CLEC16A: variants seen among roughly 807,000 people sequenced by gnomAD.
The protein encoded by CLEC16A is C-type lectin domain containing 16A, also known as protein CLEC16A.
A neutral mutation model predicts 109.5 loss-of-function variants in CLEC16A; 51 were observed. That is an observed-to-expected ratio of 0.47 (90% CI 0.37 to 0.59). The LOEUF is 0.59. CLEC16A is among the 20% of genes least tolerant of loss of function. The pLI, the probability that CLEC16A is intolerant of heterozygous loss-of-function variation, is 0.00. For synonymous variants in CLEC16A, 673 were observed against 564.2 expected, an observed-to-expected ratio of 1.19 and a Z score of -2.73; for missense variants, 1,339 against 1,394.0, an observed-to-expected ratio of 0.96 and a Z score of 0.63.
chr16:11,105,339 T>G (rs1164504720), intron 19 of CLEC16A, among the ~76,000 whole-genome samples: 2 of 152,196 alleles, frequency 1.3e-5, no homozygotes, highest in African/African-American at 4.8e-5. Context: ...ACTGCACGTA[T>G]TGAAGAAGAG....
At chr16:11,072,336 C>A (rs1255558484) in intron 19 of CLEC16A, among the ~76,000 whole-genome samples, 6 of 152,110 alleles carry the variant, frequency 3.9e-5, no homozygotes, top group Admixed American at 3.9e-4. Context: ...CCAGGCTGGT[C>A]TCCAACTCCT....
At chr16:10,997,551 TGTTCA>T (rs1316132988) in intron 10 of CLEC16A, among the ~76,000 whole-genome samples, 1 of 152,222 alleles carries the variant, frequency 6.6e-6, no homozygotes, top group African/African-American at 2.4e-5. Context: ...TATTCTTAAG[TGTTCA>T]GTTCAGTGGC....
chr16:11,099,387 TC>T (rs2050780409), intron 19 of CLEC16A, among the ~76,000 whole-genome samples: 1 of 152,206 alleles, frequency 6.6e-6, no homozygotes, highest in Non-Finnish European at 1.5e-5. Flanking sequence ...ACATTTCTGT[TC>T]CACTGTCACA....
intron 8 of CLEC16A, among the ~76,000 whole-genome samples, chr16:10,978,267 C>T (rs552847494): frequency 7.9e-5 from 12 of 152,270 alleles, no homozygotes; most frequent in Admixed American, 5.2e-4. Context: ...GCTGCTGGTT[C>T]TCAGGGCCCC....
intron 13 of CLEC16A, among the ~76,000 whole-genome samples, chr16:11,027,941 C>A (rs890001841): frequency 3.3e-5 from 5 of 152,200 alleles, no homozygotes; most frequent in African/African-American, 1.2e-4. Flanking sequence ...TGGCTCACGC[C>A]CGTAATCCCA....
At chr16:10,997,893 A>T (rs2044423987) in intron 10 of CLEC16A, among the ~76,000 whole-genome samples, 1 of 152,200 alleles carries the variant, frequency 6.6e-6, no homozygotes, top group Non-Finnish European at 1.5e-5. Flanking sequence ...ATTGATTGCA[A>T]CTTGCTTTTT....
At chr16:11,030,485 TATG>T (rs2046676978) in intron 13 of CLEC16A, among the ~76,000 whole-genome samples, 1 of 152,248 alleles carries the variant, frequency 6.6e-6, no homozygotes. Flanking sequence ...AGTGGTATCT[TATG>T]ATCTTAATTT....
intron 22 of CLEC16A, among the ~76,000 whole-genome samples, chr16:11,138,085 G>C (rs1284783890): frequency 3.9e-5 from 6 of 152,138 alleles, no homozygotes; most frequent in African/African-American, 9.7e-5. Flanking sequence ...GAAAGAATTG[G>C]CATTTTTTAA....
At chr16:10,959,014 GGTGTGTGTGTGTGTGTGTGTGTGT>G (rs59658260) in intron 2 of CLEC16A, among the ~76,000 whole-genome samples, 1 of 146,190 alleles carries the variant, frequency 6.8e-6, no homozygotes, top group Non-Finnish European at 1.5e-5. Flanking sequence ...ACTAAACACG[GGTGTGTGTGTGTGTGTGTGTGTGT>G]GTGTGTGTGT....
intron 22 of CLEC16A, among the ~76,000 whole-genome samples, chr16:11,141,209 C>G (rs1410764813): frequency 1.3e-5 from 2 of 152,238 alleles, no homozygotes; most frequent in African/African-American, 4.8e-5. Flanking sequence ...GCTCTGCCAG[C>G]CATATGGACA....
In CLEC16A at chr16:11,071,600, C is replaced by CTT. The variant is rs762936938; in HGVS notation, c.2116+10595_2116+10596dup. ...TATAATTGAGGTCAATATTACGTTTCTTTTTTTTTTTTTTTTTTAAGAGAT... is the reference window on the plus strand; with the variant it reads ...TATAATTGAGGTCAATATTACGTTTCTTTTTTTTTTTTTTTTTTTTAAGAGAT... On this transcript the variant is annotated intron_variant, in intron 19 of 23. Coordinates refer to ENST00000409790, the MANE Select transcript of CLEC16A (RefSeq NM_015226.3). Among the ~76,000 whole-genome samples the CTT allele has an allele frequency of 8.8e-3, 1,047 of 118,884 alleles. 21 individuals are homozygous for CTT. The highest frequency in any genetic ancestry group is 0.031 in the African/African-American group (995 of 32,156). The allele number at this position is 118,884 out of a possible 152,430, so 78.0% of individuals were successfully genotyped here.
chr16:11,042,428 G>C, intron 15 of CLEC16A, 65 bp downstream of exon 15: 1 of 1,302,296 alleles, frequency 7.7e-7, no homozygotes, highest in Non-Finnish European at 1.1e-6. Flanking sequence ...CAGGAGGGAA[G>C]CTGCTGGCAT....
chr16:11,164,845 G>C (rs2054848755), intron 22 of CLEC16A, among the ~76,000 whole-genome samples: 1 of 152,250 alleles, frequency 6.6e-6, no homozygotes, highest in South Asian at 2.1e-4. Context: ...GGTGAGGTCA[G>C]GGCCTAGAGG....
intron 22 of CLEC16A, among the ~76,000 whole-genome samples, chr16:11,162,393 T>A (rs1003452890): frequency 2.6e-5 from 4 of 152,210 alleles, no homozygotes; most frequent in Non-Finnish European, 4.4e-5. Flanking sequence ...TCTATCCAGT[T>A]CCCAGGCAGT....
At chr16:11,015,640 TA>T (rs1375268580) in intron 11 of CLEC16A, among the ~76,000 whole-genome samples, 2 of 151,590 alleles carry the variant, frequency 1.3e-5, no homozygotes, top group Admixed American at 6.6e-5. Context: ...TTCAGCTGCT[TA>T]AAAAAAAAGT....
chr16:11,106,873 CAG>C (rs1257509828), intron 19 of CLEC16A, among the ~76,000 whole-genome samples: 1 of 152,150 alleles, frequency 6.6e-6, no homozygotes, highest in Non-Finnish European at 1.5e-5. Context: ...TGGAAGGTGG[CAG>C]AGTTACCACT....
chr16:11,089,041 T>G (rs2050162859), intron 19 of CLEC16A, among the ~76,000 whole-genome samples: 1 of 152,052 alleles, frequency 6.6e-6, no homozygotes, highest in Non-Finnish European at 1.5e-5. Context: ...CAGCCTCCGT[T>G]CAGGGGAGGG....
At chr16:10,957,389 C>T (rs989811144) in intron 1 of CLEC16A, among the ~76,000 whole-genome samples, 3 of 152,234 alleles carry the variant, frequency 2.0e-5, no homozygotes, top group Non-Finnish European at 4.4e-5. Flanking sequence ...GCTCTGAAGG[C>T]ATCAACATGA....
In CLEC16A at chr16:11,123,883, G is replaced by C; in HGVS notation, c.2410G>C (p.Ala804Pro). 2 of 1,613,820 alleles carry C rather than the reference G, an allele frequency of 1.2e-6. No individual in the cohort carries two copies. Among genetic ancestry groups the C allele is most frequent in the Non-Finnish European group, 1.7e-6 (2 of 1,179,880 alleles). Residue 804 changes from alanine (A) to proline (P), a missense_variant, in exon 21 of 24, where the codon GCC (alanine) becomes CCC (proline). Around this residue, in one of 3 missense-constraint regions of CLEC16A, gnomAD observed 1,061 missense variants for 1,006.8 expected, o/e 1.05. Coordinates refer to ENST00000409790, the MANE Select transcript of CLEC16A (RefSeq NM_015226.3). ...IFSDHIRCII[A>P]KQRLAKGRIQ... The stretch of plus-strand genomic sequence containing the variant: ...CTCAGACCACATCCGCTGCATCATC[G>C]CCAAGCAGCGCCTGGCCAAAGGCCG...
Sources: gnomAD v4.1 joint callset for allele counts (sites outside exome capture counted in the v4.1 genomes callset) on GRCh38, gnomAD v4.1.1 for gene constraint, gnomAD v4.1.1 regional missense constraint, MANE v1.5 for transcripts, NCBI Gene and HGNC (gene_info 2026-07-23, HGNC 2026-07-21) for gene names.